The following P2RY14 variants were observed in gnomAD, a reference collection of about 807,000 sequenced individuals.
The protein encoded by P2RY14 is purinergic receptor P2Y14.
Under a neutral mutation model 0.9 loss-of-function variants are expected in P2RY14, and 2 were observed. The observed-to-expected ratio is 2.16, with a 90% CI of 0.88 to 6.79. The LOEUF (loss-of-function observed/expected upper bound fraction) is 6.79, where lower values mean the gene tolerates loss of function less well. P2RY14 is among the 30% of genes most tolerant of loss of function. P2RY14 has a pLI of 0.05. For missense variants in P2RY14, 378 were observed against 400.1 expected (o/e 0.94, Z 0.47); for synonymous variants, 158 against 147.2 (o/e 1.07, Z -0.53).
chr3:151,260,335 T>G (rs1738624257), intron 1 of P2RY14, among the ~76,000 whole-genome samples: 1 of 152,166 alleles, frequency 6.6e-6, no homozygotes, highest in African/African-American at 2.4e-5. Flanking sequence ...CTAATATCTT[T>G]TAAAAGCCAG....
rs1735535765 is a variant in P2RY14, at chr3:151,246,566, A to AT, written c.-132-26925dup. Among the ~76,000 whole-genome samples the AT allele has an allele frequency of 3.3e-5, 5 of 152,314 alleles. No homozygotes were observed. In the South Asian group the frequency reaches 8.3e-4, roughly 25 times the overall value. On this transcript the variant is annotated intron_variant, in intron 1 of 2. Transcript: ENST00000309170. ...ATGGTGCTGGGAAAACTGGCTAGCC[A>AT]TATGTAGAAAGCTGAAACTGGATCC... is the stretch of plus-strand genomic sequence containing the variant.
Position 151,213,234 on chromosome 3 carries a change from A to T in P2RY14, c.*66T>A. 8.2e-7 allele frequency: 1 copy of T among 1,226,550 alleles called. No homozygotes were observed. Among genetic ancestry groups the T allele is most frequent in the Non-Finnish European group, 1.1e-6 (1 of 870,308 alleles). The allele number at this position is 1,226,550 out of a possible 1,614,324, so 76.0% of individuals were successfully genotyped here. On this transcript the variant is annotated 3_prime_UTR_variant, in exon 3 of 3. Transcript: ENST00000309170. ...TATGATGAGGGCACATATCTTATTG[A>T]TTTCTGTTATGTAATTGAAGATGAC...
intron 1 of P2RY14, among the ~76,000 whole-genome samples, chr3:151,244,014 CAAAG>C (rs370751033): frequency 4.6e-5 from 6 of 129,074 alleles, no homozygotes; most frequent in East Asian, 5.0e-4. Context: ...TCAAAAGAGA[CAAAG>C]AAGGCCATTA....
intron 1 of P2RY14, among the ~76,000 whole-genome samples, chr3:151,240,761 T>C (rs979597159): frequency 1.3e-5 from 2 of 152,268 alleles, no homozygotes; most frequent in Non-Finnish European, 2.9e-5. Flanking sequence ...CTCTTGCATC[T>C]AACTTGTATT....
intron 2 of P2RY14, among the ~76,000 whole-genome samples, chr3:151,216,230 C>A (rs1728191825): frequency 6.6e-6 from 1 of 152,144 alleles, no homozygotes; most frequent in African/African-American, 2.4e-5. Context: ...TCTGGGAATA[C>A]AAGGCATGAA....
At chr3:151,266,102 T>C (rs1739785574) in intron 1 of P2RY14, among the ~76,000 whole-genome samples, 5 of 152,166 alleles carry the variant, frequency 3.3e-5, no homozygotes, top group Admixed American at 3.3e-4. Context: ...CCCCTTTCAG[T>C]TCCCCTTTCT....
intron 2 of P2RY14, among the ~76,000 whole-genome samples, chr3:151,215,411 A>G (rs930777214): frequency 6.6e-6 from 1 of 152,132 alleles, no homozygotes; most frequent in Admixed American, 6.5e-5. Context: ...ATGTTGAAGT[A>G]ATATTCTACA....
intron 1 of P2RY14, among the ~76,000 whole-genome samples, chr3:151,254,447 C>G (rs867905494): frequency 2.8e-4 from 43 of 152,334 alleles, no homozygotes; most frequent in African/African-American, 9.9e-4. Flanking sequence ...TGAGGGCAGG[C>G]TTCCCTCTGG....
intron 1 of P2RY14, among the ~76,000 whole-genome samples, chr3:151,220,291 AG>A (rs920162686): frequency 6.6e-6 from 1 of 151,962 alleles, no homozygotes; most frequent in Admixed American, 6.6e-5. Context: ...TCTGATAGGA[AG>A]AGGATAGGTT....
intron 1 of P2RY14, among the ~76,000 whole-genome samples, chr3:151,247,962 C>CTTTTTTTTTTTTTTTT (rs61102632): frequency 7.9e-5 from 6 of 75,900 alleles, no homozygotes; most frequent in African/African-American, 1.6e-4. Flanking sequence ...TCTTCTTCTT[C>CTTTTTTTTTTTTTTTT]TTTTTTTTTT....
Position 151,214,230 on chromosome 3 carries a change from G to T in P2RY14, c.87C>A (p.Tyr29Ter). The change falls in exon 3 of 3, where the codon TAC (tyrosine) becomes TAA (stop). Residue 29 changes from tyrosine (Y) to a stop codon, truncating the protein, a stop_gained. Coordinates refer to ENST00000309170, the MANE Select transcript of P2RY14 (RefSeq NM_014879.4). LOFTEE classifies it low-confidence loss of function (END_TRUNC). ...LITQQIIPVL[Y>*]CMVFIAGILL... ...GGATTCCTGCAATGAAGACCATACAGTACAGCACAGGAATGATCTGCTGAG... is the reference window on the plus strand; with the variant it reads ...GGATTCCTGCAATGAAGACCATACATTACAGCACAGGAATGATCTGCTGAG... The T allele has an allele frequency of 1.2e-6, 2 of 1,613,796 alleles. No individual in the cohort carries two copies. The highest frequency in any genetic ancestry group is 1.7e-6 in the Non-Finnish European group (2 of 1,179,736).
intron 2 of P2RY14, among the ~76,000 whole-genome samples, chr3:151,216,165 A>G (rs139588304): frequency 2.0e-5 from 3 of 152,314 alleles, no homozygotes; most frequent in South Asian, 2.1e-4. Context: ...AATTCTTTGC[A>G]TAATATTTAG....
At chr3:151,226,016 C>G (rs1050690645) in intron 1 of P2RY14, among the ~76,000 whole-genome samples, 2 of 152,168 alleles carry the variant, frequency 1.3e-5, no homozygotes, top group African/African-American at 4.8e-5. Flanking sequence ...ATAAAGCCGT[C>G]AGAACATGCT....
intron 1 of P2RY14, among the ~76,000 whole-genome samples, chr3:151,270,795 C>T (rs1050831517): frequency 3.3e-5 from 5 of 152,226 alleles, no homozygotes; most frequent in African/African-American, 1.2e-4. Flanking sequence ...AAAATAAGTT[C>T]TCTCCAGTGA....
chr3:151,277,251 A>G (rs772795658), intron 1 of P2RY14, among the ~76,000 whole-genome samples: 51 of 151,806 alleles, frequency 3.4e-4, no homozygotes, highest in Non-Finnish European at 6.8e-4. Flanking sequence ...GTTCATTCAT[A>G]TATACCAATG....
intron 1 of P2RY14, among the ~76,000 whole-genome samples, chr3:151,263,757 C>T (rs941488646): frequency 5.6e-5 from 6 of 107,016 alleles, no homozygotes; most frequent in South Asian, 5.7e-4. Context: ...CCTGGATTCC[C>T]GTACCACCCC....
intron 1 of P2RY14, among the ~76,000 whole-genome samples, chr3:151,267,237 T>G (rs1455847033): frequency 6.6e-6 from 1 of 152,134 alleles, no homozygotes; most frequent in Non-Finnish European, 1.5e-5. Context: ...TTTTTGACCT[T>G]TGGCTGTGAA....
chr3:151,245,514 A>G (rs1577100155), intron 1 of P2RY14, among the ~76,000 whole-genome samples: 4 of 145,730 alleles, frequency 2.7e-5, no homozygotes, highest in African/African-American at 5.1e-5. Context: ...GCCAAAGACA[A>G]AAACCACATG....
At position 151,254,261 on chromosome 3, in the gene P2RY14, G is replaced by A. The variant is rs540526870; in HGVS notation, c.-133+24026C>T. Among the ~76,000 whole-genome samples the A allele has an allele frequency of 9.2e-5, 14 of 152,176 alleles. No individual in the cohort carries two copies. The East Asian group carries it at 2.5e-3, about 27-fold the overall frequency. On this transcript the variant is annotated intron_variant, in intron 1 of 2. Coordinates refer to ENST00000309170, the MANE Select transcript of P2RY14 (RefSeq NM_014879.4). The stretch of plus-strand genomic sequence containing the variant: ...GATGAGGATTTAGCTCACTGTGCAC[G>A]TTTCCCTTTACCAGATAATTATGTC...
Sources: gnomAD v4.1 joint callset for allele counts (sites outside exome capture counted in the v4.1 genomes callset) on GRCh38, gnomAD v4.1.1 for gene constraint, MANE v1.5 for transcripts, NCBI Gene and HGNC (gene_info 2026-07-23, HGNC 2026-07-21) for gene names.